The following APOH variants were observed in gnomAD, a reference collection of about 807,000 sequenced individuals.
APOH encodes the protein apolipoprotein H.
In APOH, 48 loss-of-function variants were observed where a neutral mutation model predicts 39.8. The ratio of observed to expected loss-of-function variants is 1.21; its 90% CI spans 0.96 to 1.54. The LOEUF (loss-of-function observed/expected upper bound fraction) is 1.54. APOH is among the 40% of genes most tolerant of loss of function. The pLI is 0.00. For missense variants in APOH, 415 were observed against 421.2 expected (o/e 0.99, Z 0.13); for synonymous variants, 153 against 151.1 (o/e 1.01, Z -0.09).
intron 2 of APOH, among the ~76,000 whole-genome samples, chr17:66,226,613 T>G (rs1213785933): frequency 1.7e-5 from 2 of 114,314 alleles, no homozygotes; most frequent in East Asian, 5.9e-4. Context: ...AGAGTGAGAC[T>G]CCGTCTCCAA....
At position 66,212,062 on chromosome 17, in the gene APOH, T is replaced by A; in HGVS notation, c.*71A>T. On this transcript the variant is annotated 3_prime_UTR_variant, in exon 8 of 8. Transcript: ENST00000205948. The stretch of plus-strand genomic sequence containing the variant: ...GCAATAAATTCAGTAGCTTTATTTT[T>A]AAATTTCAATTAGGTTCCTTGGATG... The A allele has an allele frequency of 2.2e-6, 3 of 1,351,002 alleles. No homozygotes were observed. Among genetic ancestry groups the A allele is most frequent in the Non-Finnish European group, 3.2e-6 (3 of 946,054 alleles). The allele number at this position is 1,351,002 out of a possible 1,614,324, so 83.7% of individuals were successfully genotyped here.
intron 3 of APOH, among the ~76,000 whole-genome samples, chr17:66,225,449 C>G (rs1415545983): frequency 2.0e-5 from 3 of 152,160 alleles, no homozygotes; most frequent in African/African-American, 2.4e-5. Context: ...CCAGGTTGGT[C>G]AATCAAATTA....
chr17:66,214,305 C>T (rs2073351487), intron 7 of APOH, 148 bp downstream of exon 7: 8 of 729,230 alleles, frequency 1.1e-5, no homozygotes, highest in East Asian at 2.7e-5. Context: ...GTGATCCACC[C>T]GCCTCAGCCT....
chr17:66,220,604 G>T lies in APOH; in HGVS notation c.554C>A (p.Thr185Lys), dbSNP rs1030936955. ...ATTTCCATGTGTCGTGCAGGTAATT[G>T]TATCATTTCCAAACATCGCATGTTG... ...LPQHAMFGND[T>K]ITCTTHGNWT... The change falls in exon 5 of 8, where the codon ACA becomes AAA. Residue 185 changes from threonine to lysine, a missense_variant. Around this residue, in one of 3 missense-constraint regions of APOH, gnomAD observed 288 missense variants for 284.9 expected, o/e 1.01. Coordinates refer to ENST00000205948, the MANE Select transcript of APOH (RefSeq NM_000042.3). 6.2e-7 allele frequency: 1 copy of T among 1,614,124 alleles called. No homozygotes were observed. Among genetic ancestry groups the T allele is most frequent in the Non-Finnish European group, 8.5e-7 (1 of 1,180,016 alleles).
intron 4 of APOH, among the ~76,000 whole-genome samples, chr17:66,223,392 T>G (rs1250257338): frequency 6.6e-6 from 1 of 152,154 alleles, no homozygotes; most frequent in Non-Finnish European, 1.5e-5. Flanking sequence ...GCCACACATA[T>G]CCAAGCCACT....
At chr17:66,226,897 T>TTA (rs561612351) in intron 2 of APOH, among the ~76,000 whole-genome samples, 3,935 of 70,740 alleles carry the variant, frequency 0.056, 66 homozygotes, top group African/African-American at 0.13. Context: ...ATTTATTTAT[T>TTA]TTTTTTTTTG....
At position 66,214,463 on chromosome 17, in the gene APOH, T is replaced by C. The variant is rs2073352564; in HGVS notation, c.972A>G (p.Lys324=). The C allele has an allele frequency of 6.2e-7, 1 of 1,613,686 alleles. No individual in the cohort carries two copies. Among genetic ancestry groups the C allele is most frequent in the Non-Finnish European group, 8.5e-7 (1 of 1,179,798 alleles). The change falls in exon 7 of 8, where the codon AAA becomes AAG. Residue 324 remains lysine (K), a synonymous_variant. Coordinates refer to ENST00000205948, the MANE Select transcript of APOH (RefSeq NM_000042.3). The part of the protein sequence containing the change: ...QCIDGTIEVP[K]CFKEHSSLAF... ...CCAATGCAGACTTACCCTTGAAGCATTTGGGGACTTCGATAGTGCCATCTA... is the reference window on the plus strand; with the variant it reads ...CCAATGCAGACTTACCCTTGAAGCACTTGGGGACTTCGATAGTGCCATCTA...
At chr17:66,214,365 G>T in intron 7 of APOH, 88 bp downstream of exon 7, 1 of 1,327,644 alleles carries the variant, frequency 7.5e-7, no homozygotes, top group South Asian at 1.2e-5. Flanking sequence ...GGCCTCATCT[G>T]GTTTTTGACA....
chr17:66,212,261 AACCAAAT>A, intron 7 of APOH, 73 bp from the exon 8 acceptor site: 1 of 1,290,140 alleles, frequency 7.8e-7, no homozygotes, highest in African/African-American at 1.5e-5. Flanking sequence ...AGCTAAGCCA[AACCAAAT>A]ACATTTTACG....
rs11551960 is a variant in APOH at position 66,220,667 on chromosome 17, G to A, written c.491C>T (p.Ser164Phe). ...RVYKPSAGNNSLYRDTAVFEC... is the reference protein window; with the variant it reads ...RVYKPSAGNNFLYRDTAVFEC... ...AAAAACTGCTGTGTCCCGATAGAGG[G>A]AATTGTTTCCAGCTGATGGCTTATA... The change falls in exon 5 of 8, where the codon TCC (serine) becomes TTC (phenylalanine). Residue 164 changes from serine to phenylalanine, a missense_variant. Physicochemically the swap from Ser to Phe is radical, Grantham distance 155. This residue lies in a region of APOH where 288 missense variants were observed against 284.9 expected (regional missense o/e 1.01). Coordinates refer to ENST00000205948, the MANE Select transcript of APOH (RefSeq NM_000042.3). The A allele has an allele frequency of 6.2e-7, 1 of 1,614,188 alleles. No homozygotes were observed. The highest frequency in any genetic ancestry group is 1.1e-5 in the South Asian group (1 of 91,082).
At chr17:66,220,527 C>A (rs779505216) in intron 5 of APOH, 27 bp downstream of exon 5, 1 of 1,603,100 alleles carries the variant, frequency 6.2e-7, no homozygotes, top group African/African-American at 1.3e-5. Context: ...CCCTACCATG[C>A]GTATTTTGTC....
chr17:66,216,796 C>G lies in APOH; in HGVS notation c.776G>C (p.Ser259Thr). The stretch of plus-strand genomic sequence containing the variant: ...CGCCTATATTTCCATACCTTTACAA[C>G]TTGGCATGGCAGACCAGTTTCCCAG... ...TKLGNWSAMP[S>T]CKASCKVPVK... The change falls in exon 6 of 8, where the codon AGT becomes ACT. Residue 259 changes from serine to threonine, a missense_variant. Transcript: ENST00000205948. The G allele has an allele frequency of 3.8e-6, 6 of 1,598,030 alleles. No individual in the cohort carries two copies. Among genetic ancestry groups the G allele is most frequent in the Non-Finnish European group, 5.1e-6 (6 of 1,173,438 alleles).
intron 7 of APOH, 60 bp downstream of exon 7, chr17:66,214,393 G>T: frequency 6.8e-7 from 1 of 1,471,276 alleles, no homozygotes; most frequent in Non-Finnish European, 9.5e-7. Context: ...TAGAACAAAG[G>T]CTCTGATTAT....
intron 2 of APOH, among the ~76,000 whole-genome samples, chr17:66,226,590 T>A (rs2073441026): frequency 6.8e-6 from 1 of 146,770 alleles, no homozygotes; most frequent in African/African-American, 2.6e-5. Context: ...ATGGCACCAC[T>A]GCACTGGGCA....
At chr17:66,217,794 T>A (rs1303224198) in intron 5 of APOH, among the ~76,000 whole-genome samples, 2 of 151,888 alleles carry the variant, frequency 1.3e-5, no homozygotes, top group Non-Finnish European at 2.9e-5. Flanking sequence ...CTAACAAAAA[T>A]TAGCCGGGTG....
chr17:66,223,025 C>A (rs1028372194), intron 4 of APOH, among the ~76,000 whole-genome samples: 1 of 152,216 alleles, frequency 6.6e-6, no homozygotes, highest in Non-Finnish European at 1.5e-5. Flanking sequence ...AGAGATGACT[C>A]TGACAGCTTG....
At position 66,218,572 on chromosome 17, in the gene APOH, GCAGAATGTATTCTTAA is replaced by G. The variant is rs1457141570; in HGVS notation, c.605-1621_605-1606del. Among the ~76,000 whole-genome samples, 3 of 152,180 alleles carry G rather than the reference GCAGAATGTATTCTTAA, an allele frequency of 2.0e-5. No homozygotes were observed. In the East Asian group the frequency reaches 5.8e-4, roughly 30 times the overall value. On this transcript the variant is annotated intron_variant, in intron 5 of 7. Transcript: ENST00000205948. Reference sequence around the variant, plus strand: ...TCCACCTGCCTCGGCCTCCCAAAGTGCAGAATGTATTCTTAACAGTAATATTTAACATGAATCTAAT... The same window carrying G: ...TCCACCTGCCTCGGCCTCCCAAAGTGCAGTAATATTTAACATGAATCTAAT...
intron 7 of APOH, among the ~76,000 whole-genome samples, chr17:66,213,414 G>T (rs1402223242): frequency 6.6e-6 from 1 of 152,134 alleles, no homozygotes; most frequent in Non-Finnish European, 1.5e-5. Context: ...CAAACTCTAC[G>T]AATTGCTTGA....
At chr17:66,218,457 C>T (rs1226745989) in intron 5 of APOH, among the ~76,000 whole-genome samples, 7 of 152,076 alleles carry the variant, frequency 4.6e-5, no homozygotes, top group African/African-American at 7.2e-5. Context: ...TACAGGCGCA[C>T]GCCACCACAC....
Sources: gnomAD v4.1 joint callset for allele counts (sites outside exome capture counted in the v4.1 genomes callset) on GRCh38, gnomAD v4.1.1 for gene constraint, gnomAD v4.1.1 regional missense constraint, MANE v1.5 for transcripts, NCBI Gene and HGNC (gene_info 2026-07-23, HGNC 2026-07-21) for gene names.